The following LINGO2 variants were observed in gnomAD, a reference collection of about 807,000 sequenced individuals.
LINGO2 encodes leucine rich repeat and Ig domain containing 2, also known as leucine-rich repeat and immunoglobulin-like domain-containing nogo receptor-interacting protein 2.
In LINGO2, 14 loss-of-function variants were observed where a neutral mutation model predicts 30.6. The ratio of observed to expected loss-of-function variants is 0.46; its 90% CI spans 0.30 to 0.72. The LOEUF is 0.72. Among genes scored for constraint, LINGO2 ranks in the 30% least tolerant of loss-of-function variants. The pLI, the probability that LINGO2 is intolerant of heterozygous loss-of-function variation, is 0.07. For missense variants in LINGO2, 729 were observed against 751.7 expected (o/e 0.97, Z 0.35); for synonymous variants, 317 against 288.5 (o/e 1.10, Z -1.00).
At chr9:28,667,619 C>T (rs1372612870) in intron 1 of LINGO2, among the ~76,000 whole-genome samples, 1 of 152,010 alleles carries the variant, frequency 6.6e-6, no homozygotes, top group African/African-American at 2.4e-5. Flanking sequence ...TACTGCATGC[C>T]TGTAGTCCCA....
intron 5 of LINGO2, among the ~76,000 whole-genome samples, chr9:27,994,523 T>A (rs1261911683): frequency 6.6e-6 from 1 of 151,998 alleles, no homozygotes; most frequent in Non-Finnish European, 1.5e-5. Context: ...GGAACCAGCA[T>A]GCTGGATATG....
intron 4 of LINGO2, among the ~76,000 whole-genome samples, chr9:28,264,806 G>T (rs919059409): frequency 8.6e-5 from 13 of 151,928 alleles, no homozygotes; most frequent in Admixed American, 8.5e-4. Flanking sequence ...TTAAACACTA[G>T]TCTAAATGGT....
At chr9:28,039,638 G>A (rs10491827) in intron 4 of LINGO2, among the ~76,000 whole-genome samples, 3,044 of 152,056 alleles carry the variant, frequency 0.02, 99 homozygotes, top group African/African-American at 0.069. Context: ...ATATGCTGTT[G>A]ACCACTGAGA....
the LINGO2 span, among the ~76,000 whole-genome samples, chr9:28,932,469 T>C: frequency 6.6e-6 from 1 of 152,248 alleles, no homozygotes; most frequent in Non-Finnish European, 1.5e-5. Flanking sequence ...CTACTATTTA[T>C]TGAGAACTTA....
chr9:28,298,021 C>T (rs1442486937), intron 3 of LINGO2, among the ~76,000 whole-genome samples: 1 of 152,142 alleles, frequency 6.6e-6, no homozygotes, highest in Non-Finnish European at 1.5e-5. Flanking sequence ...CATGTATTCT[C>T]CTTGAAGAGA....
the LINGO2 span, among the ~76,000 whole-genome samples, chr9:29,011,179 A>C: frequency 2.2e-4 from 34 of 152,314 alleles, no homozygotes; most frequent in East Asian, 5.6e-3. Flanking sequence ...ATTACTGTAC[A>C]TATATAAAAA....
At chr9:29,159,718 T>G in the LINGO2 span, among the ~76,000 whole-genome samples, 1 of 150,992 alleles carries the variant, frequency 6.6e-6, no homozygotes, top group Admixed American at 6.6e-5. Context: ...ATTAGCAGGG[T>G]ATGGTGGTGG....
chr9:28,813,506 G>A, the LINGO2 span, among the ~76,000 whole-genome samples: 1 of 152,040 alleles, frequency 6.6e-6, no homozygotes, highest in Non-Finnish European at 1.5e-5. Flanking sequence ...CAAATAACGA[G>A]AGAACTACTG....
At chr9:28,189,613 G>C (rs867175871) in intron 4 of LINGO2, among the ~76,000 whole-genome samples, 1 of 1,208 alleles carries the variant, frequency 8.3e-4, no homozygotes, top group Non-Finnish European at 1.7e-3. Context: ...GGAAGGAAGG[G>C]AGGGAGGGAG....
intron 1 of LINGO2, among the ~76,000 whole-genome samples, chr9:28,476,511 G>A (rs1366918294): frequency 6.6e-6 from 1 of 152,080 alleles, no homozygotes; most frequent in Non-Finnish European, 1.5e-5. Context: ...TCCTGACCTC[G>A]TGATCCTCCC....
chr9:28,427,023 T>C (rs1237444651), intron 2 of LINGO2, among the ~76,000 whole-genome samples: 1 of 152,108 alleles, frequency 6.6e-6, no homozygotes, highest in African/African-American at 2.4e-5. Context: ...ACTTAGCATA[T>C]AGAGGCATTT....
At chr9:28,688,093 C>G in the LINGO2 span, among the ~76,000 whole-genome samples, 1 of 152,096 alleles carries the variant, frequency 6.6e-6, no homozygotes, top group Non-Finnish European at 1.5e-5. Context: ...ATGCGCACTC[C>G]CCTATTTACA....
intron 1 of LINGO2, among the ~76,000 whole-genome samples, chr9:28,553,123 C>A (rs1343930842): frequency 6.6e-6 from 1 of 152,062 alleles, no homozygotes; most frequent in African/African-American, 2.4e-5. Context: ...AGCTCCTCAC[C>A]AGCAACGGAA....
intron 1 of LINGO2, among the ~76,000 whole-genome samples, chr9:28,649,279 T>C (rs774550661): frequency 2.6e-5 from 4 of 152,090 alleles, no homozygotes; most frequent in African/African-American, 9.7e-5. Context: ...ATAGCAATAG[T>C]AGTAGTAGAA....
At chr9:28,311,071 G>A (rs1824597608) in intron 3 of LINGO2, among the ~76,000 whole-genome samples, 1 of 152,048 alleles carries the variant, frequency 6.6e-6, no homozygotes, top group Admixed American at 6.6e-5. Context: ...GAAATAAAGG[G>A]ACAGAGTACA....
intron 1 of LINGO2, among the ~76,000 whole-genome samples, chr9:28,513,316 G>A (rs934991924): frequency 3.3e-5 from 5 of 152,084 alleles, no homozygotes; most frequent in Non-Finnish European, 5.9e-5. Flanking sequence ...AAAGTGTTAC[G>A]GTGTCTACAT....
At position 28,037,781 on chromosome 9, in the gene LINGO2, G is replaced by T. The variant is rs1824007957; in HGVS notation, c.-86-25376C>A. Among the ~76,000 whole-genome samples the T allele has an allele frequency of 2.0e-5, 3 of 152,196 alleles. 1 individual carries two copies. Among genetic ancestry groups the T allele is most frequent in the Admixed American group, 6.5e-5 (1 of 15,280 alleles). On this transcript the variant is annotated intron_variant, in intron 4 of 5. Transcript: ENST00000379992. ...TGGATCACAAATGTGGTTGCCTTTAGTTCTAGCAAATTTTCATGCAGTATC... is the reference window on the plus strand; with the variant it reads ...TGGATCACAAATGTGGTTGCCTTTATTTCTAGCAAATTTTCATGCAGTATC...
At chr9:28,023,780 C>T (rs1823248319) in intron 4 of LINGO2, among the ~76,000 whole-genome samples, 1 of 152,144 alleles carries the variant, frequency 6.6e-6, no homozygotes, top group African/African-American at 2.4e-5. Context: ...GGGTTTCTAA[C>T]ATGAGAACCT....
the LINGO2 span, among the ~76,000 whole-genome samples, chr9:29,082,977 T>C: frequency 6.6e-6 from 1 of 152,150 alleles, no homozygotes; most frequent in Non-Finnish European, 1.5e-5. Flanking sequence ...ACTTTTACAC[T>C]GTTGGTGGGA....
Sources: allele counts gnomAD v4.1 joint callset (sites outside exome capture counted in the v4.1 genomes callset), GRCh38; gene constraint gnomAD v4.1.1; transcripts MANE v1.5; gene names NCBI Gene and HGNC (gene_info 2026-07-23, HGNC 2026-07-21).